CACNA2D3: variants seen among roughly 807,000 people sequenced by gnomAD.
CACNA2D3 encodes calcium voltage-gated channel auxiliary subunit alpha2delta 3, also known as voltage-dependent calcium channel subunit alpha-2/delta-3.
A neutral mutation model predicts 160.6 loss-of-function variants in CACNA2D3; 60 were observed. The observed-to-expected ratio is 0.37, with a 90% CI of 0.30 to 0.46. CACNA2D3 has a LOEUF of 0.46. CACNA2D3 is among the 20% of genes least tolerant of loss of function. CACNA2D3 has a pLI of 1.00. For synonymous variants in CACNA2D3, 558 were observed against 492.9 expected, an observed-to-expected ratio of 1.13 and a Z score of -1.75; for missense variants, 1,205 against 1,365.0, an observed-to-expected ratio of 0.88 and a Z score of 1.85.
intron 10 of CACNA2D3, among the ~76,000 whole-genome samples, chr3:54,628,898 A>T (rs1019473307): frequency 2.6e-5 from 4 of 152,048 alleles, no homozygotes; most frequent in Admixed American, 2.6e-4. Flanking sequence ...ACCCAAGAAG[A>T]ACTGTGACTA....
At chr3:55,017,638 C>T (rs890915435) in intron 34 of CACNA2D3, among the ~76,000 whole-genome samples, 25 of 152,230 alleles carry the variant, frequency 1.6e-4, no homozygotes, top group African/African-American at 4.3e-4. Flanking sequence ...AAGCCTCTAC[C>T]GAGTGCCTAC....
At chr3:54,895,359 G>A (rs1362533926) in intron 25 of CACNA2D3, among the ~76,000 whole-genome samples, 1 of 152,148 alleles carries the variant, frequency 6.6e-6, no homozygotes. Flanking sequence ...CCTTAGAAAG[G>A]AGTTAGGACA....
chr3:54,894,930 C>T (rs1017343951), intron 25 of CACNA2D3, among the ~76,000 whole-genome samples: 2 of 151,406 alleles, frequency 1.3e-5, no homozygotes, highest in African/African-American at 2.4e-5. Context: ...TCTGCACTTT[C>T]TCAGTCTTGC....
chr3:54,503,433 G>T (rs768018605), intron 4 of CACNA2D3, 59 bp from the exon 5 acceptor site: 3 of 1,516,258 alleles, frequency 2.0e-6, no homozygotes, highest in Non-Finnish European at 1.8e-6. Flanking sequence ...CCAGGTCTAA[G>T]TGAGTTCACA....
At position 54,247,312 on chromosome 3, in the gene CACNA2D3, T is replaced by TCAAA. The variant is rs112242643; in HGVS notation, c.205-73113_205-73110dup. Among the ~76,000 whole-genome samples, 505 of 150,846 alleles carry TCAAA rather than the reference T, an allele frequency of 3.3e-3. 4 individuals carry two copies. The highest frequency in any genetic ancestry group is 0.011 in the African/African-American group (465 of 40,834). On this transcript the variant is annotated intron_variant, in intron 2 of 37. Transcript: ENST00000474759. The stretch of plus-strand genomic sequence containing the variant: ...CTGGGCAACAGAGCACGACTCCATC[T>TCAAA]CAAACAAACAAACAAACAAATAAAT...
At chr3:54,419,145 G>A (rs562278279) in intron 4 of CACNA2D3, among the ~76,000 whole-genome samples, 9 of 152,336 alleles carry the variant, frequency 5.9e-5, no homozygotes, top group Admixed American at 2.6e-4. Context: ...AGTCACTTCC[G>A]CAGTAGGAAG....
At chr3:54,649,003 C>A (rs995155967) in intron 11 of CACNA2D3, among the ~76,000 whole-genome samples, 15 of 152,280 alleles carry the variant, frequency 9.9e-5, no homozygotes, top group Non-Finnish European at 1.9e-4. Context: ...TGGTCAAATT[C>A]CAACATGAGA....
chr3:54,947,658 C>G (rs1701648499), intron 27 of CACNA2D3, among the ~76,000 whole-genome samples: 1 of 152,138 alleles, frequency 6.6e-6, no homozygotes. Context: ...GAAATTTTTG[C>G]TCTGGCTATA....
intron 11 of CACNA2D3, among the ~76,000 whole-genome samples, chr3:54,667,347 T>C (rs563370994): frequency 2.0e-5 from 3 of 152,310 alleles, no homozygotes; most frequent in African/African-American, 7.2e-5. Context: ...AGTTTTGTTT[T>C]GTGCATGTTG....
rs185385423 is a variant in CACNA2D3 at position 54,880,942 on chromosome 3, C to A, written c.1912+79C>A. ...GCTAGCTACTGAGTTAGCTGAAGAACTTGTTCATCTGTCCGCACCTGTGAC... is the reference window on the plus strand; with the variant it reads ...GCTAGCTACTGAGTTAGCTGAAGAAATTGTTCATCTGTCCGCACCTGTGAC... On this transcript the variant is annotated intron_variant, in intron 21 of 37. Coordinates refer to ENST00000474759, the MANE Select transcript of CACNA2D3 (RefSeq NM_018398.3). The A allele has an allele frequency of 6.6e-4, 814 of 1,225,212 alleles. 11 individuals are homozygous for A. In the South Asian group the frequency reaches 9.2e-3, roughly 14 times the overall value. The allele number at this position is 1,225,212 out of a possible 1,614,324, so 75.9% of individuals were successfully genotyped here.
chr3:54,245,165 A>G (rs937393219), intron 2 of CACNA2D3, among the ~76,000 whole-genome samples: 2 of 152,242 alleles, frequency 1.3e-5, no homozygotes, highest in Middle Eastern at 3.2e-3. Flanking sequence ...GTACATGGTC[A>G]TAGCCTACAA....
At chr3:54,809,978 A>T (rs2106696881) in intron 13 of CACNA2D3, among the ~76,000 whole-genome samples, 1 of 152,360 alleles carries the variant, frequency 6.6e-6, no homozygotes. Context: ...CTAAGACAGG[A>T]ATAAACAAGA....
intron 11 of CACNA2D3, among the ~76,000 whole-genome samples, chr3:54,692,333 G>T (rs1234357042): frequency 6.6e-6 from 1 of 152,082 alleles, no homozygotes; most frequent in East Asian, 1.9e-4. Flanking sequence ...CCTCCACTAA[G>T]AATTCCTTTT....
chr3:54,859,943 A>G (rs999865818), intron 17 of CACNA2D3, among the ~76,000 whole-genome samples: 1 of 151,108 alleles, frequency 6.6e-6, no homozygotes, highest in Non-Finnish European at 1.5e-5. Flanking sequence ...TGCAAGAGAC[A>G]AATTTAGAAC....
chr3:55,056,862 A>G (rs1421362511), intron 35 of CACNA2D3, among the ~76,000 whole-genome samples: 1 of 152,152 alleles, frequency 6.6e-6, no homozygotes, highest in Non-Finnish European at 1.5e-5. Flanking sequence ...AAGAATAAGG[A>G]CTGTTTCTGG....
At chr3:54,626,782 G>C (rs1004842813) in intron 9 of CACNA2D3, 2 of 621,024 alleles carry the variant, frequency 3.2e-6, no homozygotes, top group African/African-American at 3.7e-5. Flanking sequence ...CCATGGGTGT[G>C]GGCTTTTGGG....
At chr3:55,004,562 C>T (rs1186826765) in intron 31 of CACNA2D3, among the ~76,000 whole-genome samples, 1 of 152,216 alleles carries the variant, frequency 6.6e-6, no homozygotes, top group Non-Finnish European at 1.5e-5. Context: ...TCCCTTTGTC[C>T]TTCAAATTCC....
At chr3:54,829,553 C>T (rs1703823786) in intron 14 of CACNA2D3, among the ~76,000 whole-genome samples, 1 of 152,118 alleles carries the variant, frequency 6.6e-6, no homozygotes, top group Admixed American at 6.6e-5. Flanking sequence ...TCCCTGGTGC[C>T]CTCACAAACT....
At chr3:54,444,989 G>C (rs952069622) in intron 4 of CACNA2D3, among the ~76,000 whole-genome samples, 1 of 152,206 alleles carries the variant, frequency 6.6e-6, no homozygotes, top group African/African-American at 2.4e-5. Context: ...TAAACAGAGT[G>C]AGCCTCTTCC....
Sources: allele counts gnomAD v4.1 joint callset (sites outside exome capture counted in the v4.1 genomes callset), GRCh38; gene constraint gnomAD v4.1.1; transcripts MANE v1.5; gene names NCBI Gene and HGNC (gene_info 2026-07-23, HGNC 2026-07-21).